The following SPIDR variants were observed in gnomAD, a reference collection of about 807,000 sequenced individuals.
SPIDR encodes DNA repair-scaffolding protein.
A neutral mutation model predicts 104.6 loss-of-function variants in SPIDR; 93 were observed. The ratio of observed to expected loss-of-function variants is 0.89; its 90% CI spans 0.75 to 1.06. The LOEUF is 1.06. SPIDR is among the 50% of genes least tolerant of loss of function. The probability of loss-of-function intolerance (pLI) is 0.00; values close to 1 mark genes in which losing one functional copy is unlikely to be tolerated. For missense variants in SPIDR, 1,154 were observed against 1,111.2 expected (o/e 1.04, Z -0.55); for synonymous variants, 431 against 416.9 (o/e 1.03, Z -0.41).
chr8:47,713,542 AGT>A lies in SPIDR; in HGVS notation c.2246_2247del (p.Val749GlyfsTer8). On this transcript the variant is annotated frameshift_variant, in exon 16 of 20. Transcript: ENST00000297423. LOFTEE classifies it high-confidence loss of function. ...TVLLLQKPLL[S>X]VVSGASSCEL... is the part of the protein sequence containing the mutation. ...CCTCTTGCTTCAGAAGCCCCTTTTG[AGT>A]GTGGTCTCTGGTGCAAGTTCCTGTG... 1.2e-6 allele frequency: 2 copies of A among 1,614,026 alleles called. No homozygotes were observed. The highest frequency in any genetic ancestry group is 1.7e-6 in the Non-Finnish European group (2 of 1,180,014).
intron 8 of SPIDR, among the ~76,000 whole-genome samples, chr8:47,527,049 C>A (rs977539297): frequency 6.6e-6 from 1 of 152,118 alleles, no homozygotes; most frequent in African/African-American, 2.4e-5. Flanking sequence ...GGGGTCCTGT[C>A]TTGGAGAGAG....
intron 10 of SPIDR, among the ~76,000 whole-genome samples, chr8:47,614,560 G>T (rs2154432340): frequency 6.6e-6 from 1 of 152,290 alleles, no homozygotes; most frequent in Non-Finnish European, 1.5e-5. Context: ...ATTCCATGGT[G>T]TATATGTACC....
chr8:47,583,298 T>TC (rs2059927341), intron 8 of SPIDR, among the ~76,000 whole-genome samples: 1 of 106,590 alleles, frequency 9.4e-6, no homozygotes, highest in African/African-American at 3.8e-5. Flanking sequence ...AGAGCGAGAC[T>TC]CCATCTCAAA....
intron 8 of SPIDR, among the ~76,000 whole-genome samples, chr8:47,477,756 T>C (rs1554724528): frequency 1.3e-5 from 2 of 152,182 alleles, no homozygotes; most frequent in African/African-American, 4.8e-5. Context: ...TGAATATCTT[T>C]AGTGTGGAGT....
chr8:47,735,529 G>A lies in SPIDR; in HGVS notation c.*79G>A. The A allele has an allele frequency of 6.2e-7, 1 of 1,604,044 alleles. No homozygotes were observed. Among genetic ancestry groups the A allele is most frequent in the Non-Finnish European group, 8.5e-7 (1 of 1,174,988 alleles). Reference sequence around the variant, plus strand: ...TGGTGGTGATTTGGGGTAGTTATTTGTTAACTATGGACACAGTGAACGTAG... The same window carrying A: ...TGGTGGTGATTTGGGGTAGTTATTTATTAACTATGGACACAGTGAACGTAG... On this transcript the variant is annotated 3_prime_UTR_variant, in exon 20 of 20. Transcript: ENST00000297423.
At chr8:47,319,484 A>T (rs2046087277) in intron 5 of SPIDR, among the ~76,000 whole-genome samples, 1 of 152,188 alleles carries the variant, frequency 6.6e-6, no homozygotes. Context: ...AGACTCCCAC[A>T]CAATAATAAT....
chr8:47,723,000 T>C (rs2083625299), intron 16 of SPIDR, among the ~76,000 whole-genome samples: 1 of 152,080 alleles, frequency 6.6e-6, no homozygotes, highest in Non-Finnish European at 1.5e-5. Context: ...CACACCACCA[T>C]GCCCAGTTAA....
chr8:47,364,244 T>G (rs1431805453), intron 5 of SPIDR, among the ~76,000 whole-genome samples: 1 of 152,196 alleles, frequency 6.6e-6, no homozygotes, highest in Admixed American at 6.6e-5. Flanking sequence ...CTCACAGGGC[T>G]TCTGCCTTCT....
intron 8 of SPIDR, among the ~76,000 whole-genome samples, chr8:47,518,453 T>C (rs1312316570): frequency 6.6e-6 from 1 of 152,152 alleles, no homozygotes; most frequent in African/African-American, 2.4e-5. Flanking sequence ...TTTTATTTGA[T>C]TTATGATGCT....
chr8:47,707,338 T>C (rs2081243422), intron 14 of SPIDR, among the ~76,000 whole-genome samples: 1 of 152,146 alleles, frequency 6.6e-6, no homozygotes, highest in Admixed American at 6.6e-5. Context: ...GGACTAATAA[T>C]GTTGAACATC....
intron 8 of SPIDR, among the ~76,000 whole-genome samples, chr8:47,515,971 G>A (rs1053581714): frequency 3.3e-5 from 5 of 152,128 alleles, no homozygotes; most frequent in Non-Finnish European, 4.4e-5. Context: ...CACCACACCA[G>A]CCTAATTTTT....
intron 6 of SPIDR, among the ~76,000 whole-genome samples, chr8:47,406,191 A>G (rs1278171154): frequency 1.3e-5 from 2 of 150,270 alleles, no homozygotes; most frequent in African/African-American, 4.9e-5. Context: ...TGCTTCTTGT[A>G]TTTATTGTGC....
chr8:47,621,554 C>G (rs551070566), intron 10 of SPIDR, among the ~76,000 whole-genome samples: 1 of 152,218 alleles, frequency 6.6e-6, no homozygotes, highest in Non-Finnish European at 1.5e-5. Context: ...GGGCTCTGCC[C>G]TTTCTTGCCT....
chr8:47,538,068 A>G (rs879590486), intron 8 of SPIDR, among the ~76,000 whole-genome samples: 8 of 152,088 alleles, frequency 5.3e-5, no homozygotes, highest in Admixed American at 4.6e-4. Context: ...TCAGCTACTC[A>G]GGAGGCTGAG....
At chr8:47,505,527 C>A (rs545535822) in intron 8 of SPIDR, among the ~76,000 whole-genome samples, 1 of 152,312 alleles carries the variant, frequency 6.6e-6, no homozygotes, top group Non-Finnish European at 1.5e-5. Context: ...TTCCAGGTGC[C>A]ATCTGTCACC....
intron 11 of SPIDR, among the ~76,000 whole-genome samples, chr8:47,679,430 T>G (rs4489323): frequency 0.49 from 66,615 of 137,014 alleles, 18,067 homozygotes; most frequent in East Asian, 0.68. Flanking sequence ...CCCCCTCCAG[T>G]GCTGGCCTGT....
intron 8 of SPIDR, among the ~76,000 whole-genome samples, chr8:47,456,451 A>C (rs1586016842): frequency 6.6e-6 from 1 of 152,200 alleles, no homozygotes; most frequent in Non-Finnish European, 1.5e-5. Flanking sequence ...AAACTAATAC[A>C]TTTTAAAACT....
intron 5 of SPIDR, among the ~76,000 whole-genome samples, chr8:47,311,925 T>C (rs1485037461): frequency 7.2e-5 from 11 of 152,218 alleles, no homozygotes; most frequent in Non-Finnish European, 1.6e-4. Flanking sequence ...TGTGTCCAAG[T>C]GTTCTCATTG....
intron 10 of SPIDR, among the ~76,000 whole-genome samples, chr8:47,601,810 G>A (rs764329645): frequency 2.6e-5 from 4 of 152,156 alleles, no homozygotes; most frequent in Non-Finnish European, 5.9e-5. Context: ...AGACTTGGTT[G>A]GACTGTGTAC....
Sources: allele counts gnomAD v4.1 joint callset (sites outside exome capture counted in the v4.1 genomes callset), GRCh38; gene constraint gnomAD v4.1.1; transcripts MANE v1.5; gene names NCBI Gene and HGNC (gene_info 2026-07-23, HGNC 2026-07-21).